Variants in PDGFC observed in about 807,000 individuals in gnomAD.
The protein encoded by PDGFC is platelet derived growth factor C.
PDGFC carries 12 observed loss-of-function variants against 35.5 expected under a neutral mutation model. The ratio of observed to expected loss-of-function variants is 0.34; its 90% CI spans 0.22 to 0.55. PDGFC has a LOEUF of 0.55. Ranked by LOEUF, PDGFC falls within the 20% of genes least tolerant of loss-of-function variation. The probability of loss-of-function intolerance (pLI) is 0.91; values close to 1 mark genes in which losing one functional copy is unlikely to be tolerated. For synonymous variants in PDGFC, 159 were observed against 148.8 expected (o/e 1.07, Z -0.50); for missense variants, 322 against 412.4 (o/e 0.78, Z 1.90).
At chr4:156,799,345 C>T (rs1731533947) in intron 3 of PDGFC, among the ~76,000 whole-genome samples, 1 of 152,132 alleles carries the variant, frequency 6.6e-6, no homozygotes, top group Admixed American at 6.5e-5. Context: ...AAATTCCCCC[C>T]TCAGTTTTCT....
At chr4:156,834,619 AG>A (rs757421800) in intron 2 of PDGFC, among the ~76,000 whole-genome samples, 3 of 152,158 alleles carry the variant, frequency 2.0e-5, no homozygotes, top group South Asian at 4.1e-4. Context: ...AGAAAGGAGT[AG>A]GGGGTTAAAT....
At chr4:156,927,777 T>C (rs1262892455) in intron 1 of PDGFC, among the ~76,000 whole-genome samples, 1 of 152,150 alleles carries the variant, frequency 6.6e-6, no homozygotes, top group Non-Finnish European at 1.5e-5. Flanking sequence ...CTCCAAACTG[T>C]TCCAATCTCT....
intron 1 of PDGFC, among the ~76,000 whole-genome samples, chr4:156,863,317 A>G (rs1013684460): frequency 1.9e-4 from 29 of 152,282 alleles, no homozygotes; most frequent in African/African-American, 5.5e-4. Flanking sequence ...TTGAGTCTAA[A>G]TACTATTTTC....
chr4:156,839,212 A>G (rs2111048183), intron 2 of PDGFC, among the ~76,000 whole-genome samples: 1 of 152,304 alleles, frequency 6.6e-6, no homozygotes, highest in African/African-American at 2.4e-5. Flanking sequence ...ACATGTTCCA[A>G]GACTCTTTTA....
intron 1 of PDGFC, among the ~76,000 whole-genome samples, chr4:156,939,634 T>C (rs938829270): frequency 9.9e-5 from 15 of 152,124 alleles, no homozygotes; most frequent in African/African-American, 3.1e-4. Flanking sequence ...TATATTTAAA[T>C]TGTGGCTTGT....
intron 1 of PDGFC, among the ~76,000 whole-genome samples, chr4:156,947,995 T>C (rs1324404966): frequency 6.6e-6 from 1 of 151,884 alleles, no homozygotes. Flanking sequence ...AGCAAGTCTC[T>C]ACGGTCTACA....
At chr4:156,908,353 C>A (rs1367271524) in intron 1 of PDGFC, among the ~76,000 whole-genome samples, 1 of 151,854 alleles carries the variant, frequency 6.6e-6, no homozygotes, top group Non-Finnish European at 1.5e-5. Flanking sequence ...AGGCAATTTA[C>A]TAGATAATTT....
At chr4:156,908,577 G>C (rs1422117824) in intron 1 of PDGFC, among the ~76,000 whole-genome samples, 2 of 152,074 alleles carry the variant, frequency 1.3e-5, no homozygotes, top group Non-Finnish European at 2.9e-5. Context: ...TAACCTATGT[G>C]GCAAAATGTT....
At chr4:156,955,133 C>G (rs555872959) in intron 1 of PDGFC, among the ~76,000 whole-genome samples, 1 of 151,978 alleles carries the variant, frequency 6.6e-6, no homozygotes, top group Admixed American at 6.6e-5. Flanking sequence ...ACCAGTCAGA[C>G]AGGGCCTTAA....
intron 1 of PDGFC, among the ~76,000 whole-genome samples, chr4:156,864,148 T>C (rs1451932728): frequency 6.6e-6 from 1 of 152,148 alleles, no homozygotes; most frequent in African/African-American, 2.4e-5. Context: ...AGTTTATATT[T>C]CACCTGCAAA....
At chr4:156,791,302 A>G (rs1295765364) in intron 3 of PDGFC, among the ~76,000 whole-genome samples, 2 of 152,196 alleles carry the variant, frequency 1.3e-5, no homozygotes, top group African/African-American at 4.8e-5. Flanking sequence ...ATCTCAAGAC[A>G]TTTGGATGAA....
chr4:156,910,482 A>G (rs1192389367), intron 1 of PDGFC, among the ~76,000 whole-genome samples: 2 of 152,262 alleles, frequency 1.3e-5, no homozygotes, highest in Middle Eastern at 3.4e-3. Flanking sequence ...AGCTTTTACA[A>G]ATAAAGCTGC....
intron 2 of PDGFC, among the ~76,000 whole-genome samples, chr4:156,839,373 A>ATAAGG (rs1729143862): frequency 6.6e-6 from 1 of 152,086 alleles, no homozygotes; most frequent in East Asian, 1.9e-4. Flanking sequence ...CCCTTTTGCT[A>ATAAGG]GGCACTTCTT....
intron 1 of PDGFC, among the ~76,000 whole-genome samples, chr4:156,909,288 G>A (rs1376669308): frequency 1.3e-5 from 2 of 152,068 alleles, no homozygotes; most frequent in African/African-American, 4.8e-5. Context: ...ATTCAGACAA[G>A]AAATTCCTAA....
At chr4:156,799,340 C>A (rs963748264) in intron 3 of PDGFC, among the ~76,000 whole-genome samples, 3 of 152,136 alleles carry the variant, frequency 2.0e-5, no homozygotes, top group Admixed American at 6.5e-5. Context: ...CTTGGAAATT[C>A]CCCCCTCAGT....
Position 156,824,325 on chromosome 4 carries a change from T to TATACACATATACAC in PDGFC, c.315-13309_315-13308insGTGTATATGTGTAT, listed in dbSNP as rs1553967638. Among the ~76,000 whole-genome samples, 518 of 109,352 alleles carry TATACACATATACAC rather than the reference T, an allele frequency of 4.7e-3. 8 individuals carry two copies. The highest frequency in any genetic ancestry group is 0.02 in the African/African-American group (404 of 20,564). The allele number at this position is 109,352 out of a possible 152,430, so 71.7% of individuals were successfully genotyped here. A position where few individuals can be genotyped will look rare whatever the true frequency, so the allele number is the denominator to read the frequency against. On this transcript the variant is annotated intron_variant, in intron 2 of 5. Transcript: ENST00000502773. Reference sequence around the variant, plus strand: ...ATATATATATATATATATATATATATATACACACACACACACACACACACA... The same window carrying TATACACATATACAC: ...ATATATATATATATATATATATATATATACACATATACACATACACACACACACACACACACACA...
At chr4:156,763,781 C>T (rs1560801357) in intron 5 of PDGFC, among the ~76,000 whole-genome samples, 1 of 152,300 alleles carries the variant, frequency 6.6e-6, no homozygotes, top group East Asian at 1.9e-4. Context: ...ACATCAGCCC[C>T]AGTCACAGCT....
chr4:156,960,036 A>G (rs745832180), intron 1 of PDGFC, among the ~76,000 whole-genome samples: 1 of 151,914 alleles, frequency 6.6e-6, no homozygotes, highest in Non-Finnish European at 1.5e-5. Context: ...GACTGCTAAT[A>G]TTCTCAAGAA....
At chr4:156,815,383 T>C (rs7657225) in intron 2 of PDGFC, among the ~76,000 whole-genome samples, 9,563 of 150,376 alleles carry the variant, frequency 0.064, 993 homozygotes, top group African/African-American at 0.22. Context: ...TGTCACTTCA[T>C]TCCATATTTC....
Sources: gnomAD v4.1 joint callset for allele counts (sites outside exome capture counted in the v4.1 genomes callset) on GRCh38, gnomAD v4.1.1 for gene constraint, MANE v1.5 for transcripts, NCBI Gene and HGNC (gene_info 2026-07-23, HGNC 2026-07-21) for gene names.